OSBPL6: variants seen among roughly 807,000 people sequenced by gnomAD.
The protein encoded by OSBPL6 is oxysterol-binding protein-related protein 6.
OSBPL6 carries 49 observed loss-of-function variants against 125.8 expected under a neutral mutation model. The ratio of observed to expected loss-of-function variants is 0.39; its 90% CI spans 0.31 to 0.49. OSBPL6 has a LOEUF of 0.49. Ranked by LOEUF, OSBPL6 falls within the 20% of genes least tolerant of loss-of-function variation. OSBPL6 has a pLI of 0.88. For missense variants in OSBPL6, 986 were observed against 1,135.4 expected, an observed-to-expected ratio of 0.87 and a Z score of 1.89; for synonymous variants, 394 against 391.8, an observed-to-expected ratio of 1.01 and a Z score of -0.07.
rs1695927091 is a variant in OSBPL6 at position 178,397,619 on chromosome 2, A to T, written c.*2060A>T. On this transcript the variant is annotated 3_prime_UTR_variant, in exon 25 of 25. Transcript: ENST00000190611. ...GCACTTCCCTGAACAGTCTCAAAAT[A>T]GCCTAAACATAAGAAAACAATCCTG... The T allele has an allele frequency of 6.6e-6, 1 of 152,308 alleles. No individual in the cohort carries two copies. Among genetic ancestry groups the T allele is most frequent in the Non-Finnish European group, 1.5e-5 (1 of 68,044 alleles). 9.4% of individuals were successfully genotyped at this position (152,308 alleles called of 1,614,324 possible). A position where few individuals can be genotyped will look rare whatever the true frequency, so the allele number is the denominator to read the frequency against.
At chr2:178,196,126 A>G (rs985968492) in intron 1 of OSBPL6, among the ~76,000 whole-genome samples, 1 of 152,134 alleles carries the variant, frequency 6.6e-6, no homozygotes, top group African/African-American at 2.4e-5. Context: ...TAATAAATGA[A>G]ACAGAAGACC....
chr2:178,240,596 G>A (rs2091251044), intron 1 of OSBPL6, among the ~76,000 whole-genome samples: 2 of 151,690 alleles, frequency 1.3e-5, no homozygotes, highest in African/African-American at 4.8e-5. Flanking sequence ...AAATAGAAGT[G>A]TTTAGAATTA....
At chr2:178,221,430 T>C (rs562304780) in intron 1 of OSBPL6, among the ~76,000 whole-genome samples, 21 of 152,164 alleles carry the variant, frequency 1.4e-4, no homozygotes, top group Non-Finnish European at 2.9e-4. Context: ...ACTGGGTCAT[T>C]ATTGAGCGAA....
chr2:178,339,824 A>C, intron 11 of OSBPL6, 60 bp downstream of exon 11: 1 of 1,288,756 alleles, frequency 7.8e-7, no homozygotes, highest in Non-Finnish European at 1.1e-6. Flanking sequence ...ACTAGTCTTT[A>C]TACATCAGTT....
intron 3 of OSBPL6, chr2:178,320,464 C>T: frequency 1.3e-6 from 2 of 1,516,426 alleles, no homozygotes; most frequent in Non-Finnish European, 1.8e-6. Context: ...TGGAAATTAA[C>T]TTATAATTTT....
At chr2:178,275,547 T>G (rs1163856327) in intron 1 of OSBPL6, among the ~76,000 whole-genome samples, 1 of 152,110 alleles carries the variant, frequency 6.6e-6, no homozygotes, top group Non-Finnish European at 1.5e-5. Context: ...GGTTTGATTT[T>G]TGAACACACT....
Position 178,228,398 on chromosome 2 carries a change from G to A in OSBPL6, c.-351+33724G>A, listed in dbSNP as rs554503057. 3.9e-5 allele frequency among the ~76,000 whole-genome samples: 6 copies of A among 152,334 alleles called. No individual in the cohort carries two copies. The South Asian group carries it at 6.2e-4, about 16-fold the overall frequency. On this transcript the variant is annotated intron_variant, in intron 1 of 24. Coordinates refer to ENST00000190611, the MANE Select transcript of OSBPL6 (RefSeq NM_032523.4). ...AAAATACAAAAAATGAGCCGGGTGTGGTGGCGTGCGCCTGTAGTCTCAGCT... is the reference window on the plus strand; with the variant it reads ...AAAATACAAAAAATGAGCCGGGTGTAGTGGCGTGCGCCTGTAGTCTCAGCT...
At chr2:178,218,349 G>A (rs1366496964) in intron 1 of OSBPL6, among the ~76,000 whole-genome samples, 1 of 151,026 alleles carries the variant, frequency 6.6e-6, no homozygotes, top group Non-Finnish European at 1.5e-5. Context: ...TCTCTTGTTG[G>A]GTGAGTCCTT....
At chr2:178,329,351 T>A (rs1203414686) in intron 5 of OSBPL6, among the ~76,000 whole-genome samples, 1 of 152,156 alleles carries the variant, frequency 6.6e-6, no homozygotes, top group Non-Finnish European at 1.5e-5. Flanking sequence ...AAGGATTCTG[T>A]CATACTAAGG....
intron 1 of OSBPL6, among the ~76,000 whole-genome samples, chr2:178,202,561 G>A (rs1351955975): frequency 2.0e-5 from 3 of 152,022 alleles, no homozygotes; most frequent in Non-Finnish European, 2.9e-5. Flanking sequence ...TGTGGCTGAC[G>A]CCTGTAATCC....
intron 23 of OSBPL6, among the ~76,000 whole-genome samples, 155 bp downstream of exon 23, chr2:178,392,693 A>G (rs945468190): frequency 2.1e-5 from 3 of 144,258 alleles, no homozygotes; most frequent in South Asian, 4.4e-4. Context: ...CTATATCTCT[A>G]AAAAAAAAGA....
chr2:178,214,791 T>A lies in OSBPL6; in HGVS notation c.-351+20117T>A, dbSNP rs191685000. Reference sequence around the variant, plus strand: ...TGAGACCCTGTCTCTTAAAAAAAATTTTTTTTTTAATCAGCCAGGTATGGT... The same window carrying A: ...TGAGACCCTGTCTCTTAAAAAAAATATTTTTTTTAATCAGCCAGGTATGGT... On this transcript the variant is annotated intron_variant, in intron 1 of 24. Transcript: ENST00000190611. Among the ~76,000 whole-genome samples the A allele has an allele frequency of 2.0e-3, 309 of 151,498 alleles. 2 individuals are homozygous for A. The highest frequency in any genetic ancestry group is 6.6e-3 in the African/African-American group (272 of 41,272).
intron 3 of OSBPL6, among the ~76,000 whole-genome samples, chr2:178,313,604 TA>T (rs1455681181): frequency 6.6e-6 from 1 of 152,134 alleles, no homozygotes; most frequent in African/African-American, 2.4e-5. Flanking sequence ...ATATAAATAA[TA>T]AAAAATAAAT....
intron 22 of OSBPL6, among the ~76,000 whole-genome samples, chr2:178,391,928 T>C (rs1347835023): frequency 6.6e-6 from 1 of 152,244 alleles, no homozygotes; most frequent in African/African-American, 2.4e-5. Context: ...TACATCAGGC[T>C]TTATTCCAGG....
chr2:178,200,921 G>A (rs1002486917), intron 1 of OSBPL6, among the ~76,000 whole-genome samples: 1 of 151,724 alleles, frequency 6.6e-6, no homozygotes, highest in African/African-American at 2.4e-5. Flanking sequence ...TCAGCCTCCC[G>A]AGTAGCTGGA....
Position 178,397,166 on chromosome 2 carries a change from G to A in OSBPL6, c.*1607G>A, listed in dbSNP as rs1301191118. 1 of 152,178 alleles carries A rather than the reference G, an allele frequency of 6.6e-6. No individual in the cohort carries two copies. Among genetic ancestry groups the A allele is most frequent in the Admixed American group, 6.5e-5 (1 of 15,280 alleles). 9.4% of individuals were successfully genotyped at this position (152,178 alleles called of 1,614,324 possible). A position where few individuals can be genotyped will look rare whatever the true frequency, so the allele number is the denominator to read the frequency against. On this transcript the variant is annotated 3_prime_UTR_variant, in exon 25 of 25. Transcript: ENST00000190611. ...ATACACCATCAAATGAAAAACTGCT[G>A]ATGAGAGTGTAAGAGAAAGCGCTAA...
chr2:178,242,009 G>A (rs1173525100), intron 1 of OSBPL6, among the ~76,000 whole-genome samples: 2 of 152,200 alleles, frequency 1.3e-5, no homozygotes, highest in African/African-American at 4.8e-5. Flanking sequence ...GGGTGGGTGT[G>A]TAGTAGGCTA....
At chr2:178,255,691 C>A (rs189344207) in intron 1 of OSBPL6, among the ~76,000 whole-genome samples, 75 of 152,304 alleles carry the variant, frequency 4.9e-4, no homozygotes, top group Admixed American at 1.6e-3. Flanking sequence ...TCCTTCATAT[C>A]ACTGTGGGAT....
chr2:178,238,141 TC>T (rs2091137686), intron 1 of OSBPL6, among the ~76,000 whole-genome samples: 1 of 152,194 alleles, frequency 6.6e-6, no homozygotes, highest in Admixed American at 6.5e-5. Context: ...CAGTGGTCCC[TC>T]CTTATCTGCA....
Sources: gnomAD v4.1 joint callset for allele counts (sites outside exome capture counted in the v4.1 genomes callset) on GRCh38, gnomAD v4.1.1 for gene constraint, MANE v1.5 for transcripts, NCBI Gene and HGNC (gene_info 2026-07-23, HGNC 2026-07-21) for gene names.